TMTC2: variants seen among roughly 807,000 people sequenced by gnomAD.
The protein encoded by TMTC2 is protein O-mannosyl-transferase TMTC2.
TMTC2 carries 43 observed loss-of-function variants against 82.4 expected under a neutral mutation model. That is an observed-to-expected ratio of 0.52 (90% CI 0.41 to 0.67). The LOEUF (loss-of-function observed/expected upper bound fraction) is 0.67, where lower values mean the gene tolerates loss of function less well. Among genes scored for constraint, TMTC2 ranks in the 30% least tolerant of loss-of-function variants. TMTC2 has a pLI of 0.00. For synonymous variants in TMTC2, 408 were observed against 381.9 expected, an observed-to-expected ratio of 1.07 and a Z score of -0.80; for missense variants, 919 against 1,012.4, an observed-to-expected ratio of 0.91 and a Z score of 1.25.
At chr12:82,730,308 A>AAAAG (rs1288319557) in intron 1 of TMTC2, among the ~76,000 whole-genome samples, 1 of 151,026 alleles carries the variant, frequency 6.6e-6, no homozygotes, top group Non-Finnish European at 1.5e-5. Flanking sequence ...AAAAAAAAAA[A>AAAAG]AAAAAAAAGC....
chr12:82,750,795 T>C (rs1001146563), intron 1 of TMTC2, among the ~76,000 whole-genome samples: 11 of 152,206 alleles, frequency 7.2e-5, no homozygotes, highest in Admixed American at 5.2e-4. Flanking sequence ...TTATGACTTT[T>C]TCTTCTTCTG....
intron 9 of TMTC2, among the ~76,000 whole-genome samples, chr12:83,044,422 G>T (rs1434311553): frequency 1.3e-5 from 2 of 152,138 alleles, no homozygotes; most frequent in Non-Finnish European, 2.9e-5. Flanking sequence ...AAGAACCTGT[G>T]CTGATCATAG....
chr12:82,810,014 G>C (rs1879418637), intron 1 of TMTC2, among the ~76,000 whole-genome samples: 1 of 152,056 alleles, frequency 6.6e-6, no homozygotes, highest in African/African-American at 2.4e-5. Flanking sequence ...GAGCTGAAAT[G>C]CTGAGAATTT....
intron 1 of TMTC2, among the ~76,000 whole-genome samples, chr12:82,778,587 C>A (rs1158825332): frequency 6.6e-6 from 1 of 151,788 alleles, no homozygotes; most frequent in African/African-American, 2.4e-5. Flanking sequence ...CAGTGGCTAA[C>A]GCCTGTAATC....
At chr12:83,082,791 T>C (rs1219073022) in intron 11 of TMTC2, among the ~76,000 whole-genome samples, 4 of 152,188 alleles carry the variant, frequency 2.6e-5, no homozygotes, top group Admixed American at 2.6e-4. Context: ...TATAGAGACA[T>C]GTGGAGCACA....
chr12:82,865,058 C>CAAAAAAAAAAAAA (rs1373298523), intron 2 of TMTC2, among the ~76,000 whole-genome samples: 1 of 84,408 alleles, frequency 1.2e-5, no homozygotes, highest in African/African-American at 3.3e-5. Context: ...ACTAAAAATA[C>CAAAAAAAAAAAAA]AAAAAAAAAA....
intron 4 of TMTC2, among the ~76,000 whole-genome samples, chr12:82,944,564 C>A (rs1181834183): frequency 6.5e-4 from 60 of 92,768 alleles, no homozygotes; most frequent in African/African-American, 1.2e-3. Context: ...GTGACAGTCT[C>A]AAAAAAAAAA....
At chr12:83,082,755 G>A (rs1883515710) in intron 11 of TMTC2, among the ~76,000 whole-genome samples, 1 of 152,150 alleles carries the variant, frequency 6.6e-6, no homozygotes. Flanking sequence ...AAGAAACTGG[G>A]TTTTTGGGTT....
At chr12:83,013,429 C>T (rs543912719) in intron 8 of TMTC2, among the ~76,000 whole-genome samples, 94 of 152,144 alleles carry the variant, frequency 6.2e-4, no homozygotes, top group Non-Finnish European at 1.2e-3. Flanking sequence ...ATCATTAATC[C>T]ACCTAGGCTA....
chr12:83,030,228 A>T (rs1275869938), intron 8 of TMTC2, among the ~76,000 whole-genome samples: 2 of 151,926 alleles, frequency 1.3e-5, no homozygotes, highest in African/African-American at 2.4e-5. Flanking sequence ...ATTCTGTCAC[A>T]CTCTTCTTAG....
intron 11 of TMTC2, among the ~76,000 whole-genome samples, chr12:83,073,127 G>A (rs1883173081): frequency 6.6e-6 from 1 of 151,876 alleles, no homozygotes; most frequent in African/African-American, 2.4e-5. Context: ...TGTGTTTCCA[G>A]GATTCTTTTC....
At chr12:83,073,948 A>G (rs1883199057) in intron 11 of TMTC2, among the ~76,000 whole-genome samples, 1 of 152,078 alleles carries the variant, frequency 6.6e-6, no homozygotes, top group African/African-American at 2.4e-5. Flanking sequence ...TGATTGGCTT[A>G]ATAACTAACC....
chr12:83,110,963 C>T (rs1273819300), intron 11 of TMTC2, among the ~76,000 whole-genome samples: 1 of 152,236 alleles, frequency 6.6e-6, no homozygotes, highest in Non-Finnish European at 1.5e-5. Context: ...AACTACTAAA[C>T]TGAATTCCTG....
intron 9 of TMTC2, among the ~76,000 whole-genome samples, chr12:83,034,072 TAGAG>T (rs1162522503): frequency 6.6e-6 from 1 of 151,838 alleles, no homozygotes; most frequent in East Asian, 1.9e-4. Context: ...TTAAAGTTCA[TAGAG>T]AATGTTTTTT....
chr12:82,718,027 GAACTT>G (rs1873978080), intron 1 of TMTC2, among the ~76,000 whole-genome samples: 2 of 152,142 alleles, frequency 1.3e-5, no homozygotes, highest in African/African-American at 4.8e-5. Context: ...TTATAAATGA[GAACTT>G]AACCCATTTA....
chr12:82,972,050 G>C (rs1434621922), intron 7 of TMTC2, among the ~76,000 whole-genome samples: 2 of 152,062 alleles, frequency 1.3e-5, no homozygotes, highest in Non-Finnish European at 2.9e-5. Context: ...ATGCTGACTA[G>C]ACCAAAGAAA....
chr12:83,018,175 C>G (rs1880763764), intron 8 of TMTC2, among the ~76,000 whole-genome samples: 1 of 152,066 alleles, frequency 6.6e-6, no homozygotes, highest in African/African-American at 2.4e-5. Flanking sequence ...TGGTTGCCTT[C>G]CCATCATCCG....
chr12:82,934,337 G>A (rs1002354675), intron 4 of TMTC2, among the ~76,000 whole-genome samples: 3 of 152,014 alleles, frequency 2.0e-5, no homozygotes, highest in Admixed American at 6.6e-5. Flanking sequence ...CCATCAACCC[G>A]TCATCTACAT....
At chr12:82,695,856 G>A (rs942256889) in intron 1 of TMTC2, among the ~76,000 whole-genome samples, 1 of 152,200 alleles carries the variant, frequency 6.6e-6, no homozygotes, top group African/African-American at 2.4e-5. Flanking sequence ...GCTGGCAGCT[G>A]AAATTAGCCT....
Sources: allele counts gnomAD v4.1 joint callset (sites outside exome capture counted in the v4.1 genomes callset), GRCh38; gene constraint gnomAD v4.1.1; transcripts MANE v1.5; gene names NCBI Gene and HGNC (gene_info 2026-07-23, HGNC 2026-07-21).